Variants in G6PD observed in about 807,000 individuals in gnomAD.
The protein encoded by G6PD is glucose-6-phosphate dehydrogenase.
G6PD carries 2 observed loss-of-function variants against 38.2 expected under a neutral mutation model. The ratio of observed to expected loss-of-function variants is 0.05; its 90% CI spans 0.02 to 0.16. The LOEUF is 0.16. Ranked by LOEUF, G6PD falls within the 10% of genes least tolerant of loss-of-function variation. The pLI is 1.00. For synonymous variants in G6PD, 188 were observed against 196.0 expected, an observed-to-expected ratio of 0.96 and a Z score of 0.34; for missense variants, 310 against 471.6, an observed-to-expected ratio of 0.66 and a Z score of 3.17.
intron 2 of G6PD, among the ~76,000 whole-genome samples, chrX:154,537,036 T>C (rs1324229646): frequency 1.8e-5 from 2 of 112,276 alleles, no homozygotes; most frequent in Admixed American, 1.9e-4. Flanking sequence ...CCGGGCACAG[T>C]GGCTTACTCC....
intron 5 of G6PD, 105 bp downstream of exon 5, chrX:154,535,063 A>G: frequency 1.2e-6 from 1 of 838,027 alleles, no homozygotes; most frequent in Non-Finnish European, 1.8e-6. Context: ...CCCCGGCACC[A>G]TGGATGCTGC....
At chrX:154,537,614 TCAAA>T (rs1168941341) in intron 2 of G6PD, among the ~76,000 whole-genome samples, 1 of 112,163 alleles carries the variant, frequency 8.9e-6, no homozygotes, top group African/African-American at 3.2e-5. Context: ...AAACTCCGTC[TCAAA>T]CAAACAAAAA....
chrX:154,540,679 G>A (rs2070482328), intron 2 of G6PD, among the ~76,000 whole-genome samples: 1 of 106,699 alleles, frequency 9.4e-6, no homozygotes, highest in Non-Finnish European at 1.9e-5. Context: ...GAAGCAATCA[G>A]GCACTGCAAC....
intron 11 of G6PD, 44 bp from the exon 12 acceptor site, chrX:154,532,324 G>A (rs2070347763): frequency 8.3e-7 from 1 of 1,208,920 alleles, no homozygotes; most frequent in Non-Finnish European, 1.1e-6. Flanking sequence ...GGCACACAGG[G>A]AGGGAGGGCA....
At chrX:154,545,619 G>T (rs2070681489) in intron 2 of G6PD, 1 of 172,210 alleles carries the variant, frequency 5.8e-6, no homozygotes, top group Admixed American at 7.4e-5. Flanking sequence ...CGGATCACTT[G>T]AGGTCAGGAG....
chrX:154,539,764 C>G (rs1403748384), intron 2 of G6PD, among the ~76,000 whole-genome samples: 1 of 110,596 alleles, frequency 9.0e-6, no homozygotes, highest in African/African-American at 3.3e-5. Context: ...ACTCTGTCGG[C>G]CAGGCTGGAG....
chrX:154,534,867 C>A (rs1258202628), intron 5 of G6PD, among the ~76,000 whole-genome samples: 1 of 112,131 alleles, frequency 8.9e-6, no homozygotes, highest in South Asian at 3.6e-4. Context: ...TTTACTACCC[C>A]CGCATTCAAA....
chrX:154,544,896 G>A (rs984499170), intron 2 of G6PD, among the ~76,000 whole-genome samples: 2 of 112,547 alleles, frequency 1.8e-5, no homozygotes, highest in South Asian at 7.3e-4. Context: ...CAGCACTGAG[G>A]GGCGCACGAT....
intron 8 of G6PD, 137 bp from the exon 9 acceptor site, chrX:154,533,265 G>A (rs1288739283): frequency 2.8e-6 from 2 of 710,793 alleles, no homozygotes; most frequent in African/African-American, 2.1e-5. Flanking sequence ...CAGAGGCCCA[G>A]CTCAGGGCCC....
At chrX:154,541,857 A>G (rs1219118282) in intron 2 of G6PD, among the ~76,000 whole-genome samples, 1 of 111,882 alleles carries the variant, frequency 8.9e-6, no homozygotes, top group Non-Finnish European at 1.9e-5. Flanking sequence ...TTGTCTTGGC[A>G]TGAGGGTTTC....
intron 7 of G6PD, 75 bp from the exon 8 acceptor site, chrX:154,533,744 A>G: frequency 8.4e-7 from 1 of 1,197,041 alleles, no homozygotes; most frequent in Non-Finnish European, 1.1e-6. Flanking sequence ...GGGGACCCCA[A>G]ACAAGGCTTC....
rs781900525 is a variant in G6PD at position 154,534,943 on chromosome X, C to G, written c.485+225G>C. The G allele has an allele frequency of 6.7e-6, 3 of 446,382 alleles. No homozygotes were observed. The African/African-American group carries it at 7.3e-5, about 11-fold the overall frequency. The allele number at this position is 446,382 out of a possible 1,213,427, so 36.8% of individuals were successfully genotyped here. A position where few individuals can be genotyped will look rare whatever the true frequency, so the allele number is the denominator to read the frequency against. Reference sequence around the variant, plus strand: ...CACCCAGCGCGGGCCATGCTGCATTCGCAGAGCAAGGCTGCCACCCTGCGG... The same window carrying G: ...CACCCAGCGCGGGCCATGCTGCATTGGCAGAGCAAGGCTGCCACCCTGCGG... On this transcript the variant is annotated intron_variant, in intron 5 of 12. Transcript: ENST00000393562.
chrX:154,537,649 G>A (rs1189960592), intron 2 of G6PD, among the ~76,000 whole-genome samples: 1 of 112,209 alleles, frequency 8.9e-6, no homozygotes, highest in Non-Finnish European at 1.9e-5. Context: ...GGACCTGAGA[G>A]GGGACAGTGG....
upstream of G6PD, chrX:154,547,007 G>A: frequency 4.5e-6 from 1 of 221,407 alleles, no homozygotes; most frequent in East Asian, 8.7e-5. Flanking sequence ...TCCCAGGCCA[G>A]CCCCTGCCTC....
At position 154,532,549 on chromosome X, in the gene G6PD, T is replaced by C. The variant is rs782133149; in HGVS notation, c.1287+18A>G. On this transcript the variant is annotated intron_variant, in intron 10 of 12. Coordinates refer to ENST00000393562, the MANE Select transcript of G6PD (RefSeq NM_001360016.2). ...CCAGGCCGCCCACCCTCCACACTGCTCCTTCTCTGTAGGGCACCTTGTATC... is the reference window on the plus strand; with the variant it reads ...CCAGGCCGCCCACCCTCCACACTGCCCCTTCTCTGTAGGGCACCTTGTATC... 1.2e-5 allele frequency: 14 copies of C among 1,209,076 alleles called. No homozygotes were observed. In the Admixed American group the frequency reaches 2.0e-4, roughly 17 times the overall value.
chrX:154,534,614 G>A (rs782298292), intron 5 of G6PD, 118 bp from the exon 6 acceptor site: 19 of 877,513 alleles, frequency 2.2e-5, no homozygotes, highest in East Asian at 1.7e-4. Context: ...CCTCGCCCCC[G>A]TGGCCACCTC....
upstream of G6PD, chrX:154,547,182 C>G: frequency 3.7e-6 from 1 of 273,932 alleles, no homozygotes; most frequent in Non-Finnish European, 5.0e-6. Context: ...CCGCCTGCCC[C>G]GGCGGCCTCG....
upstream of G6PD, chrX:154,547,413 GA>G (rs1479786617): frequency 2.6e-4 from 197 of 754,455 alleles, no homozygotes; most frequent in African/African-American, 4.2e-3. Context: ...TCCGAGAGAC[GA>G]GGGGGCGTGT....
chrX:154,534,109 G>A lies in G6PD; in HGVS notation c.696C>T (p.Cys232=), dbSNP rs782061495. The A allele has an allele frequency of 2.3e-5, 28 of 1,210,254 alleles. No individual in the cohort carries two copies. The highest frequency in any genetic ancestry group is 3.0e-5 in the Non-Finnish European group (27 of 895,089). Residue 232 remains cysteine (C), a synonymous_variant, in exon 7 of 13, where the codon TGC becomes TGT. Transcript: ENST00000393562. ...AGGGCTCCTTGAAGGTGAGGATAACGCAGGCGATGTTGTCCCGGTTCCAGA... is the reference window on the plus strand; with the variant it reads ...AGGGCTCCTTGAAGGTGAGGATAACACAGGCGATGTTGTCCCGGTTCCAGA... The part of the protein sequence containing the change: ...GPIWNRDNIA[C]VILTFKEPFG...
Sources: allele counts gnomAD v4.1 joint callset (sites outside exome capture counted in the v4.1 genomes callset), GRCh38; gene constraint gnomAD v4.1.1; transcripts MANE v1.5; gene names NCBI Gene and HGNC (gene_info 2026-07-23, HGNC 2026-07-21).